GPAT3: variants seen among roughly 807,000 people sequenced by gnomAD.
GPAT3 encodes the protein 1-AGP acyltransferase 9.
Under a neutral mutation model 58.8 loss-of-function variants are expected in GPAT3, and 53 were observed. That is an observed-to-expected ratio of 0.90 (90% CI 0.72 to 1.13). The LOEUF is 1.13. Among genes scored for constraint, GPAT3 ranks in the 50% most tolerant of loss-of-function variants. The pLI, the probability that GPAT3 is intolerant of heterozygous loss-of-function variation, is 0.00. For missense variants in GPAT3, 511 were observed against 527.6 expected, an observed-to-expected ratio of 0.97 and a Z score of 0.31; for synonymous variants, 197 against 187.4, an observed-to-expected ratio of 1.05 and a Z score of -0.42.
At chr4:83,573,070 A>G (rs1016149793) in intron 2 of GPAT3, among the ~76,000 whole-genome samples, 2 of 152,222 alleles carry the variant, frequency 1.3e-5, no homozygotes, top group African/African-American at 4.8e-5. Context: ...GATCAGTTGT[A>G]TATTCCTGGG....
At position 83,579,081 on chromosome 4, in the gene GPAT3, CCCTTCCTTCCTT is replaced by C. The variant is rs778000097; in HGVS notation, c.209-2444_209-2433del. Among the ~76,000 whole-genome samples, 54 of 19,670 alleles carry C rather than the reference CCCTTCCTTCCTT, an allele frequency of 2.7e-3. 1 individual carries two copies. The highest frequency in any genetic ancestry group is 3.8e-3 in the Non-Finnish European group (40 of 10,544). 12.9% of individuals were successfully genotyped at this position (19,670 alleles called of 152,430 possible). ...TTCTTTCTTTCTTTCTTTCTTTCTTCCCTTCCTTCCTTCCTTCCTTCCTTCCTTCCTTCCTTC... is the reference window on the plus strand; with the variant it reads ...TTCTTTCTTTCTTTCTTTCTTTCTTCCCTTCCTTCCTTCCTTCCTTCCTTC... On this transcript the variant is annotated intron_variant, in intron 2 of 11. Transcript: ENST00000264409.
At chr4:83,546,759 A>C (rs1293885372) in intron 2 of GPAT3, among the ~76,000 whole-genome samples, 2 of 152,156 alleles carry the variant, frequency 1.3e-5, no homozygotes, top group Admixed American at 6.5e-5. Context: ...CACTGTGATA[A>C]ATACTGAAAT....
chr4:83,580,905 G>T (rs1424882883), intron 2 of GPAT3, among the ~76,000 whole-genome samples: 1 of 151,892 alleles, frequency 6.6e-6, no homozygotes, highest in Non-Finnish European at 1.5e-5. Flanking sequence ...GACCATCCTG[G>T]CTAACATGGT....
At chr4:83,569,160 C>T (rs1372805375) in intron 2 of GPAT3, among the ~76,000 whole-genome samples, 1 of 152,164 alleles carries the variant, frequency 6.6e-6, no homozygotes, top group African/African-American at 2.4e-5. Context: ...AGGGGCAAGT[C>T]CAGGTCTTGT....
At chr4:83,588,445 C>T in intron 5 of GPAT3, 146 bp downstream of exon 5, 1 of 664,396 alleles carries the variant, frequency 1.5e-6, no homozygotes, top group Non-Finnish European at 2.6e-6. Flanking sequence ...GTGGCACAGG[C>T]ATGATGCACA....
chr4:83,586,450 A>G (rs1726378767), intron 3 of GPAT3, among the ~76,000 whole-genome samples: 1 of 152,188 alleles, frequency 6.6e-6, no homozygotes. Context: ...TGGGAACAGG[A>G]AGACATAAAT....
At chr4:83,588,742 C>T (rs548616585) in intron 5 of GPAT3, among the ~76,000 whole-genome samples, 5 of 152,248 alleles carry the variant, frequency 3.3e-5, no homozygotes, top group Admixed American at 6.5e-5. Context: ...TAGGACTAGA[C>T]GTGGAGTCTG....
rs547028580 is a variant in GPAT3, at chr4:83,547,547, T to C, written c.208+2945T>C. Among the ~76,000 whole-genome samples the C allele has an allele frequency of 2.1e-3, 319 of 152,156 alleles. 1 individual carries two copies. Among genetic ancestry groups the C allele is most frequent in the East Asian group, 6.6e-3 (34 of 5,162 alleles). ...GATTACAGGCGTGAGCTACTGCGCCTGGCCTCTGCTGCTCTTTCATTTAGT... is the reference window on the plus strand; with the variant it reads ...GATTACAGGCGTGAGCTACTGCGCCCGGCCTCTGCTGCTCTTTCATTTAGT... On this transcript the variant is annotated intron_variant, in intron 2 of 11. Coordinates refer to ENST00000264409, the MANE Select transcript of GPAT3 (RefSeq NM_032717.5).
chr4:83,544,591 C>G lies in GPAT3; in HGVS notation c.197C>G (p.Ser66Cys). 6.2e-7 allele frequency: 1 copy of G among 1,614,038 alleles called. No individual in the cohort carries two copies. Among genetic ancestry groups the G allele is most frequent in the Non-Finnish European group, 8.5e-7 (1 of 1,179,966 alleles). The change falls in exon 2 of 12, where the codon TCT becomes TGT. Residue 66 changes from serine (S) to cysteine (C), a missense_variant. Physicochemically the swap from Ser to Cys is moderately radical, Grantham distance 112. Coordinates refer to ENST00000264409, the MANE Select transcript of GPAT3 (RefSeq NM_032717.5). ...GTPKESILKNSASVGIIQRDE... is the reference protein window; with the variant it reads ...GTPKESILKNCASVGIIQRDE... ...CCAAAGGAGTCGATTCTTAAAAACT[C>G]TGCTTCTGTTGGTGAGTTTTCCTTT...
chr4:83,603,709 G>A (rs1192565748), intron 11 of GPAT3, among the ~76,000 whole-genome samples: 1 of 149,058 alleles, frequency 6.7e-6, no homozygotes, highest in Non-Finnish European at 1.5e-5. Flanking sequence ...AGAATCACTT[G>A]AACTCGGGAA....
At chr4:83,569,886 A>T (rs1266566433) in intron 2 of GPAT3, among the ~76,000 whole-genome samples, 1 of 152,128 alleles carries the variant, frequency 6.6e-6, no homozygotes, top group African/African-American at 2.4e-5. Flanking sequence ...AAGAATGATC[A>T]CGTGTAAGTG....
At chr4:83,544,741 T>C (rs1724443298) in intron 2 of GPAT3, 139 bp downstream of exon 2, 3 of 791,508 alleles carry the variant, frequency 3.8e-6, no homozygotes, top group Non-Finnish European at 6.1e-6. Context: ...AGTGTAAAAT[T>C]GCAGCTGCCA....
chr4:83,544,597 C>T lies in GPAT3; in HGVS notation c.203C>T (p.Ser68Phe). The change falls in exon 2 of 12, where the codon TCT (serine) becomes TTT (phenylalanine). Residue 68 changes from serine (S) to phenylalanine (F), a missense_variant. Transcript: ENST00000264409. ...GAGTCGATTCTTAAAAACTCTGCTT[C>T]TGTTGGTGAGTTTTCCTTTTCATTA... Reference protein sequence around the residue: ...PKESILKNSASVGIIQRDESP... With the variant: ...PKESILKNSAFVGIIQRDESP... 1 of 1,613,856 alleles carries T rather than the reference C, an allele frequency of 6.2e-7. No homozygotes were observed. The highest frequency in any genetic ancestry group is 8.5e-7 in the Non-Finnish European group (1 of 1,179,882).
intron 2 of GPAT3, 41 bp downstream of exon 2, chr4:83,544,643 T>C (rs544856033): frequency 1.3e-6 from 2 of 1,594,594 alleles, no homozygotes; most frequent in East Asian, 4.5e-5. Flanking sequence ...CATATTTAAA[T>C]TGGGTGGATG....
rs770784772 is a variant in GPAT3 at position 83,590,274 on chromosome 4, G to A, written c.720G>A (p.Thr240=). 4.8e-5 allele frequency: 77 copies of A among 1,613,480 alleles called. No individual in the cohort carries two copies. In the Admixed American group the frequency reaches 8.0e-4, roughly 17 times the overall value. Residue 240 remains threonine (T), a synonymous_variant, in exon 6 of 12, where the codon ACG becomes ACA. Transcript: ENST00000264409. ...CCATTGATGTTTTAATCTTGACAAC[G>A]GATGGATGTTATGCTATGGTAAGAG... The part of the protein sequence containing the change: ...TSPIDVLILT[T]DGCYAMVGQV...
At chr4:83,575,576 C>A (rs1360804296) in intron 2 of GPAT3, among the ~76,000 whole-genome samples, 1 of 151,856 alleles carries the variant, frequency 6.6e-6, no homozygotes. Context: ...CCACGCCTGG[C>A]TAATTTTTTT....
intron 1 of GPAT3, among the ~76,000 whole-genome samples, chr4:83,541,514 G>A (rs1307499765): frequency 4.1e-5 from 6 of 147,854 alleles, no homozygotes; most frequent in Non-Finnish European, 4.4e-5. Flanking sequence ...TTATAGGCAT[G>A]AGCCACAGTG....
chr4:83,581,020 C>T (rs1051273463), intron 2 of GPAT3, among the ~76,000 whole-genome samples: 7 of 134,836 alleles, frequency 5.2e-5, no homozygotes, highest in South Asian at 4.8e-4. Flanking sequence ...GGCATGAACC[C>T]GGGAGGCGGA....
chr4:83,579,081 C>CCTTCCTTCCTTCCTTCCTTCCTTCCTT lies in GPAT3; in HGVS notation c.209-2480_209-2479insTTCCTTCCTTCCTTCCTTCCTTCCTTC, dbSNP rs1560621462. On this transcript the variant is annotated intron_variant, in intron 2 of 11. Transcript: ENST00000264409. ...TTCTTTCTTTCTTTCTTTCTTTCTT[C>CCTTCCTTCCTTCCTTCCTTCCTTCCTT]CCTTCCTTCCTTCCTTCCTTCCTTC... Among the ~76,000 whole-genome samples the CCTTCCTTCCTTCCTTCCTTCCTTCCTT allele has an allele frequency of 3.1e-4, 6 of 19,636 alleles. 1 individual carries two copies. Among genetic ancestry groups the CCTTCCTTCCTTCCTTCCTTCCTTCCTT allele is most frequent in the African/African-American group, 1.1e-3 (6 of 5,402 alleles). 12.9% of individuals were successfully genotyped at this position (19,636 alleles called of 152,430 possible).
Sources: allele counts gnomAD v4.1 joint callset (sites outside exome capture counted in the v4.1 genomes callset), GRCh38; gene constraint gnomAD v4.1.1; transcripts MANE v1.5; gene names NCBI Gene and HGNC (gene_info 2026-07-23, HGNC 2026-07-21).